The following THRB variants were observed in gnomAD, a reference collection of about 807,000 sequenced individuals.
The protein encoded by THRB is thyroid hormone receptor beta.
In THRB, 12 loss-of-function variants were observed where a neutral mutation model predicts 47.8. The observed-to-expected ratio is 0.25, with a 90% CI of 0.16 to 0.41. The LOEUF (loss-of-function observed/expected upper bound fraction) is 0.41, where lower values mean the gene tolerates loss of function less well. Among genes scored for constraint, THRB ranks in the 10% least tolerant of loss-of-function variants. The pLI, the probability that THRB is intolerant of heterozygous loss-of-function variation, is 1.00. For synonymous variants in THRB, 218 were observed against 212.2 expected, an observed-to-expected ratio of 1.03 and a Z score of -0.24; for missense variants, 348 against 589.2, an observed-to-expected ratio of 0.59 and a Z score of 4.24.
chr3:24,376,520 AC>A (rs1357862440), intron 1 of THRB, among the ~76,000 whole-genome samples: 6 of 152,120 alleles, frequency 3.9e-5, no homozygotes, highest in Admixed American at 3.3e-4. Context: ...TGTGAGACCT[AC>A]CCCAAACAGC....
At chr3:24,145,327 G>A (rs1017699653) in intron 7 of THRB, among the ~76,000 whole-genome samples, 7 of 152,068 alleles carry the variant, frequency 4.6e-5, no homozygotes, top group African/African-American at 1.7e-4. Flanking sequence ...TAGAAAGCCT[G>A]AGCTCTTAGA....
intron 1 of THRB, among the ~76,000 whole-genome samples, chr3:24,442,454 T>C (rs886090628): frequency 3.9e-5 from 6 of 152,210 alleles, no homozygotes; most frequent in Non-Finnish European, 8.8e-5. Context: ...CTTGTAAGGG[T>C]GACCCTTGAG....
At chr3:24,236,943 A>G (rs1224234788) in intron 3 of THRB, among the ~76,000 whole-genome samples, 1 of 152,248 alleles carries the variant, frequency 6.6e-6, no homozygotes, top group Non-Finnish European at 1.5e-5. Context: ...GAACAGAGGC[A>G]AGGTGTTTTC....
intron 1 of THRB, among the ~76,000 whole-genome samples, chr3:24,482,282 C>A (rs1052939688): frequency 6.6e-6 from 1 of 152,166 alleles, no homozygotes; most frequent in African/African-American, 2.4e-5. Context: ...CAGTTTATAG[C>A]CATTATCTCA....
At chr3:24,124,302 C>T (rs2032291581) in intron 10 of THRB, among the ~76,000 whole-genome samples, 1 of 152,166 alleles carries the variant, frequency 6.6e-6, no homozygotes, top group African/African-American at 2.4e-5. Context: ...CTTGTGTTTT[C>T]CTTCATATTT....
intron 1 of THRB, among the ~76,000 whole-genome samples, chr3:24,481,553 A>G (rs1012773342): frequency 6.6e-6 from 1 of 152,050 alleles, no homozygotes; most frequent in African/African-American, 2.4e-5. Context: ...GAAATATCTC[A>G]TTGACAAATA....
intron 1 of THRB, among the ~76,000 whole-genome samples, chr3:24,392,614 G>A (rs1315771412): frequency 6.6e-6 from 1 of 152,036 alleles, no homozygotes; most frequent in African/African-American, 2.4e-5. Context: ...CCATGATAAA[G>A]CCAAGTCCTA....
intron 2 of THRB, among the ~76,000 whole-genome samples, chr3:24,331,267 T>C (rs991834853): frequency 6.6e-6 from 1 of 150,762 alleles, no homozygotes; most frequent in East Asian, 1.9e-4. Flanking sequence ...AATTAAAAAA[T>C]TAAAGACAAA....
At chr3:24,360,227 A>C (rs2063967035) in intron 1 of THRB, among the ~76,000 whole-genome samples, 2 of 152,120 alleles carry the variant, frequency 1.3e-5, no homozygotes, top group Admixed American at 1.3e-4. Flanking sequence ...AAGGGTGGGA[A>C]TTGTTATGCT....
intron 8 of THRB, 117 bp downstream of exon 8, chr3:24,143,384 T>C: frequency 9.6e-7 from 1 of 1,046,558 alleles, no homozygotes; most frequent in East Asian, 2.4e-5. Flanking sequence ...GAGCTACGGT[T>C]TCCCTATCAG....
chr3:24,298,962 T>C (rs930162855), intron 2 of THRB, among the ~76,000 whole-genome samples: 7 of 152,256 alleles, frequency 4.6e-5, no homozygotes, highest in Admixed American at 3.3e-4. Context: ...AGAAAAGTAA[T>C]TCAGGCCGGG....
intron 1 of THRB, among the ~76,000 whole-genome samples, chr3:24,363,317 T>C (rs1383606465): frequency 6.6e-6 from 1 of 152,166 alleles, no homozygotes; most frequent in African/African-American, 2.4e-5. Flanking sequence ...CTTAAAGGCT[T>C]CTGCAGAAAG....
chr3:24,173,551 A>G (rs1265581986), intron 5 of THRB, among the ~76,000 whole-genome samples: 1 of 152,188 alleles, frequency 6.6e-6, no homozygotes, highest in Non-Finnish European at 1.5e-5. Flanking sequence ...GTCTTTGGAC[A>G]TAATACTATC....
At chr3:24,280,182 C>A (rs907095326) in intron 3 of THRB, among the ~76,000 whole-genome samples, 1 of 152,168 alleles carries the variant, frequency 6.6e-6, no homozygotes, top group African/African-American at 2.4e-5. Flanking sequence ...GTGATTTCTG[C>A]ATTTCCATCT....
At chr3:24,382,588 C>A (rs978287484) in intron 1 of THRB, among the ~76,000 whole-genome samples, 1 of 151,850 alleles carries the variant, frequency 6.6e-6, no homozygotes, top group African/African-American at 2.4e-5. Context: ...GGGAGGGAAT[C>A]TTCAAAATAT....
intron 2 of THRB, among the ~76,000 whole-genome samples, chr3:24,307,673 C>G (rs148831083): frequency 6.3e-4 from 96 of 152,048 alleles, no homozygotes; most frequent in African/African-American, 2.3e-3. Flanking sequence ...CAGAAGTGTT[C>G]CAGAAGATCC....
At chr3:24,158,503 G>A (rs1043953726) in intron 5 of THRB, among the ~76,000 whole-genome samples, 29 of 151,164 alleles carry the variant, frequency 1.9e-4, no homozygotes, top group East Asian at 7.8e-4. Context: ...ATCTCGGCTC[G>A]CTGCAGCTTC....
chr3:24,230,115 G>A (rs920524120), intron 3 of THRB, among the ~76,000 whole-genome samples: 3 of 152,180 alleles, frequency 2.0e-5, no homozygotes, highest in Non-Finnish European at 4.4e-5. Flanking sequence ...GAAAAAGAAC[G>A]AGGCAGAGGA....
At chr3:24,396,878 T>G (rs190467132) in intron 1 of THRB, among the ~76,000 whole-genome samples, 13 of 152,288 alleles carry the variant, frequency 8.5e-5, no homozygotes, top group Non-Finnish European at 1.3e-4. Context: ...GTGGAAGCTG[T>G]GTCTAGTGCT....
Sources: gnomAD v4.1 joint callset for allele counts (sites outside exome capture counted in the v4.1 genomes callset) on GRCh38, gnomAD v4.1.1 for gene constraint, MANE v1.5 for transcripts, NCBI Gene and HGNC (gene_info 2026-07-23, HGNC 2026-07-21) for gene names.